Variants in PHACTR1 observed in about 807,000 individuals in gnomAD.
PHACTR1 encodes phosphatase and actin regulator 1.
In PHACTR1, 16 loss-of-function variants were observed where a neutral mutation model predicts 69.2. That is an observed-to-expected ratio of 0.23 (90% CI 0.16 to 0.35). PHACTR1 has a LOEUF of 0.35. PHACTR1 is among the 10% of genes least tolerant of loss of function. The pLI is 1.00. For synonymous variants in PHACTR1, 312 were observed against 284.5 expected (o/e 1.10, Z -0.97); for missense variants, 510 against 734.7 (o/e 0.69, Z 3.54).
At position 13,283,363 on chromosome 6, in the gene PHACTR1, A is replaced by T. The variant is rs1479694673; in HGVS notation, c.1510-59A>T. 6.4e-7 allele frequency: 1 copy of T among 1,552,554 alleles called. No homozygotes were observed. The highest frequency in any genetic ancestry group is 8.7e-7 in the Non-Finnish European group (1 of 1,144,228). ...CCACACCTGCAAGTTCACAGACAGGACCAAGTGCCATGGTCAACCCTTCTG... is the reference window on the plus strand; with the variant it reads ...CCACACCTGCAAGTTCACAGACAGGTCCAAGTGCCATGGTCAACCCTTCTG... On this transcript the variant is annotated intron_variant, in intron 12 of 14. Coordinates refer to ENST00000332995, the MANE Select transcript of PHACTR1 (RefSeq NM_030948.6). The surrounding 1 kb of genome is among the most constrained non-coding windows in gnomAD (Gnocchi z 4.7).
intron 5 of PHACTR1, among the ~76,000 whole-genome samples, chr6:13,082,702 T>C (rs1811591309): frequency 6.6e-6 from 1 of 152,254 alleles, no homozygotes; most frequent in African/African-American, 2.4e-5. Flanking sequence ...TGGCCAGTGA[T>C]GATGAGCATT....
At chr6:12,908,798 G>A (rs1476588968) in intron 4 of PHACTR1, among the ~76,000 whole-genome samples, 3 of 152,192 alleles carry the variant, frequency 2.0e-5, no homozygotes, top group Non-Finnish European at 2.9e-5. Flanking sequence ...GGAGGAAGGA[G>A]ATGACCCATG....
At chr6:12,773,902 G>T (rs1769708639) in intron 4 of PHACTR1, among the ~76,000 whole-genome samples, 1 of 151,844 alleles carries the variant, frequency 6.6e-6, no homozygotes, top group African/African-American at 2.4e-5. Context: ...TGGATTGATT[G>T]GTTCATCAAT....
intron 10 of PHACTR1, among the ~76,000 whole-genome samples, chr6:13,257,305 T>A (rs541235600): frequency 3.3e-5 from 5 of 152,150 alleles, no homozygotes; most frequent in Non-Finnish European, 7.4e-5. Flanking sequence ...ACCACCCCCA[T>A]GATCCAGTCA....
intron 4 of PHACTR1, among the ~76,000 whole-genome samples, chr6:12,815,147 T>G (rs1775438533): frequency 6.6e-6 from 1 of 152,240 alleles, no homozygotes; most frequent in Admixed American, 6.5e-5. Flanking sequence ...GCCACCACAC[T>G]GTTTGCAGTT....
rs1781893192 is a variant in PHACTR1, at chr6:13,287,389, A to C, written c.*311A>C. 2.5e-6 allele frequency: 1 copy of C among 403,174 alleles called. No individual in the cohort carries two copies. Among genetic ancestry groups the C allele is most frequent in the African/African-American group, 2.1e-5 (1 of 47,406 alleles). The allele number at this position is 403,174 out of a possible 1,614,324, so 25.0% of individuals were successfully genotyped here. On this transcript the variant is annotated 3_prime_UTR_variant, in exon 15 of 15. Transcript: ENST00000332995. ...AGGTGGAACGGTCCTTGTCCTCTCC[A>C]GCCAGGCCCAGCAGGCACTACCTTC...
At position 13,005,101 on chromosome 6, in the gene PHACTR1, C is replaced by T. The variant is rs183777776; in HGVS notation, c.251-48264C>T. Among the ~76,000 whole-genome samples the T allele has an allele frequency of 5.9e-5, 9 of 151,938 alleles. No homozygotes were observed. The East Asian group carries it at 1.7e-3, about 29-fold the overall frequency. Reference sequence around the variant, plus strand: ...CACTAAATGATACATCCTTTACATCCTTCCCCTTCTTCCCTGCTAGTGGTC... The same window carrying T: ...CACTAAATGATACATCCTTTACATCTTTCCCCTTCTTCCCTGCTAGTGGTC... On this transcript the variant is annotated intron_variant, in intron 4 of 14. Transcript: ENST00000332995.
intron 5 of PHACTR1, among the ~76,000 whole-genome samples, chr6:13,070,987 T>TA (rs904024138): frequency 4.7e-4 from 26 of 55,724 alleles, no homozygotes; most frequent in Admixed American, 5.2e-4. Flanking sequence ...GTAGCCTTAA[T>TA]AATTAAAAAA....
chr6:12,815,507 A>C (rs866930434), intron 4 of PHACTR1, among the ~76,000 whole-genome samples: 3 of 152,078 alleles, frequency 2.0e-5, no homozygotes, highest in African/African-American at 7.2e-5. Flanking sequence ...AATGAAGCTT[A>C]CTCTTACTTT....
intron 5 of PHACTR1, among the ~76,000 whole-genome samples, chr6:13,075,718 A>G (rs193178394): frequency 2.0e-4 from 30 of 152,238 alleles, no homozygotes; most frequent in African/African-American, 7.2e-4. Context: ...GGCATGCTGA[A>G]TGTCCAGCAT....
intron 10 of PHACTR1, among the ~76,000 whole-genome samples, chr6:13,233,662 A>C (rs1388465277): frequency 2.6e-5 from 4 of 152,110 alleles, no homozygotes; most frequent in Non-Finnish European, 4.4e-5. Context: ...AACTGCCCCC[A>C]TGATTCAGTT....
At chr6:12,983,135 A>G (rs897656370) in intron 4 of PHACTR1, among the ~76,000 whole-genome samples, 2 of 152,254 alleles carry the variant, frequency 1.3e-5, no homozygotes, top group African/African-American at 4.8e-5. Context: ...ACTCAAGGAA[A>G]TACAAATTAA....
intron 4 of PHACTR1, among the ~76,000 whole-genome samples, chr6:12,922,496 C>T (rs1197679451): frequency 6.6e-6 from 1 of 152,078 alleles, no homozygotes; most frequent in Non-Finnish European, 1.5e-5. Flanking sequence ...AAGCAAAGTT[C>T]TCATCCTAAC....
intron 5 of PHACTR1, among the ~76,000 whole-genome samples, chr6:13,100,553 CCT>C (rs1814994235): frequency 6.6e-6 from 1 of 152,152 alleles, no homozygotes; most frequent in Non-Finnish European, 1.5e-5. Flanking sequence ...TTCAGTTATT[CCT>C]CTCTTACCTT....
chr6:12,729,602 G>A (rs1385310972), intron 3 of PHACTR1, among the ~76,000 whole-genome samples: 1 of 152,178 alleles, frequency 6.6e-6, no homozygotes, highest in East Asian at 1.9e-4. Flanking sequence ...GGCACGTGAG[G>A]CTGTGCCATG....
chr6:12,914,517 T>C (rs1786753234), intron 4 of PHACTR1, among the ~76,000 whole-genome samples: 1 of 152,192 alleles, frequency 6.6e-6, no homozygotes, highest in Non-Finnish European at 1.5e-5. Context: ...ACCTGAGTTC[T>C]ACATTCTTGC....
chr6:12,916,350 T>C (rs1582464827), intron 4 of PHACTR1, among the ~76,000 whole-genome samples: 1 of 152,202 alleles, frequency 6.6e-6, no homozygotes, highest in East Asian at 1.9e-4. Context: ...CCTTCCTTGC[T>C]TTTCTCCAGT....
At chr6:13,063,610 C>CAA (rs57064391) in intron 5 of PHACTR1, among the ~76,000 whole-genome samples, 198 of 141,862 alleles carry the variant, frequency 1.4e-3, no homozygotes, top group East Asian at 5.1e-3. Flanking sequence ...CCCATTACCA[C>CAA]AAAAAAAAAA....
At chr6:13,284,554 A>ATATATATAGATACACG (rs1781171056) in intron 13 of PHACTR1, among the ~76,000 whole-genome samples, 3 of 115,482 alleles carry the variant, frequency 2.6e-5, no homozygotes, top group Non-Finnish European at 5.0e-5. Context: ...ATATATATAT[A>ATATATATAGATACACG]TATATATATA....
Sources: gnomAD v4.1 joint callset for allele counts (sites outside exome capture counted in the v4.1 genomes callset) on GRCh38, gnomAD v4.1.1 for gene constraint, Gnocchi (gnomAD v3.1) non-coding constraint, MANE v1.5 for transcripts, NCBI Gene and HGNC (gene_info 2026-07-23, HGNC 2026-07-21) for gene names.